Variants in TBC1D5 observed in about 807,000 individuals in gnomAD.
TBC1D5 encodes TBC1 domain family, member 5.
In TBC1D5, 75 loss-of-function variants were observed where a neutral mutation model predicts 100.3. The ratio of observed to expected loss-of-function variants is 0.75; its 90% CI spans 0.62 to 0.91. The LOEUF (loss-of-function observed/expected upper bound fraction) is 0.91, where lower values mean the gene tolerates loss of function less well. Ranked by LOEUF, TBC1D5 falls within the 40% of genes least tolerant of loss-of-function variation. TBC1D5 has a pLI of 0.00. For synonymous variants in TBC1D5, 323 were observed against 325.6 expected (o/e 0.99, Z 0.09); for missense variants, 910 against 942.4 (o/e 0.97, Z 0.45).
chr3:17,333,127 T>C (rs971476492), intron 13 of TBC1D5: 5 of 152,338 alleles, frequency 3.3e-5, no homozygotes, highest in African/African-American at 1.2e-4. Context: ...TCGAAGTCAA[T>C]GGCCAAGTCA....
chr3:17,570,561 G>A (rs970433481), intron 2 of TBC1D5, among the ~76,000 whole-genome samples: 7 of 151,874 alleles, frequency 4.6e-5, no homozygotes, highest in African/African-American at 1.7e-4. Context: ...TTCTACAATT[G>A]ACATTTTACT....
At chr3:17,330,586 A>G (rs979540539) in intron 13 of TBC1D5, among the ~76,000 whole-genome samples, 1 of 151,906 alleles carries the variant, frequency 6.6e-6, no homozygotes, top group Admixed American at 6.6e-5. Flanking sequence ...CCATTTTCCA[A>G]TCATCTCACC....
intron 2 of TBC1D5, among the ~76,000 whole-genome samples, chr3:17,558,156 A>T (rs80348969): frequency 6.6e-6 from 1 of 152,334 alleles, no homozygotes; most frequent in East Asian, 1.9e-4. Context: ...ACGAAAGTCA[A>T]CTCTAAAATT....
chr3:17,178,594 T>C (rs1221148234), intron 19 of TBC1D5, among the ~76,000 whole-genome samples: 1 of 152,180 alleles, frequency 6.6e-6, no homozygotes, highest in Non-Finnish European at 1.5e-5. Context: ...TCCAAACTGT[T>C]CTCTATAGTA....
chr3:17,547,220 G>A (rs780137230), intron 2 of TBC1D5: 1 of 152,026 alleles, frequency 6.6e-6, no homozygotes, highest in Non-Finnish European at 1.5e-5. Context: ...GAAATATGCA[G>A]GACAACTTTT....
At chr3:17,318,746 G>A (rs1012164656) in intron 13 of TBC1D5, among the ~76,000 whole-genome samples, 4 of 151,826 alleles carry the variant, frequency 2.6e-5, no homozygotes, top group South Asian at 2.1e-4. Flanking sequence ...TTTTAAAATC[G>A]CCTCTCCACA....
At chr3:17,734,128 G>A (rs996327449) in intron 1 of TBC1D5, among the ~76,000 whole-genome samples, 10 of 152,304 alleles carry the variant, frequency 6.6e-5, no homozygotes, top group Non-Finnish European at 1.3e-4. Context: ...AATGTCTAGT[G>A]TAGCACTATT....
chr3:17,551,099 C>G (rs193256778), intron 2 of TBC1D5, among the ~76,000 whole-genome samples: 1 of 152,130 alleles, frequency 6.6e-6, no homozygotes, highest in Non-Finnish European at 1.5e-5. Flanking sequence ...TAAACATGCA[C>G]TCTCTCTAAT....
chr3:17,240,234 T>C (rs924244474), intron 16 of TBC1D5, among the ~76,000 whole-genome samples: 2 of 152,180 alleles, frequency 1.3e-5, no homozygotes, highest in Non-Finnish European at 2.9e-5. Flanking sequence ...GAGACTTACA[T>C]TGCTTTGGAG....
At chr3:17,197,169 A>T (rs929649144) in intron 18 of TBC1D5, among the ~76,000 whole-genome samples, 3 of 152,120 alleles carry the variant, frequency 2.0e-5, no homozygotes, top group African/African-American at 7.2e-5. Flanking sequence ...AACCCTTCCA[A>T]TGTCCACTTC....
intron 15 of TBC1D5, among the ~76,000 whole-genome samples, chr3:17,275,452 A>C (rs1372102967): frequency 6.6e-6 from 1 of 152,010 alleles, no homozygotes; most frequent in Non-Finnish European, 1.5e-5. Flanking sequence ...TATGGGGAGG[A>C]CCACTTGAGC....
At chr3:17,264,233 T>C (rs532384053) in intron 15 of TBC1D5, among the ~76,000 whole-genome samples, 1 of 152,184 alleles carries the variant, frequency 6.6e-6, no homozygotes, top group Admixed American at 6.5e-5. Context: ...TACACATAAC[T>C]ATAAGGTGGT....
chr3:17,734,998 T>C (rs1322467007), intron 1 of TBC1D5, among the ~76,000 whole-genome samples: 1 of 151,358 alleles, frequency 6.6e-6, no homozygotes, highest in East Asian at 1.9e-4. Flanking sequence ...AAGGCCGAGG[T>C]GGAAGGATCA....
chr3:17,161,486 C>T (rs1437731916), intron 21 of TBC1D5, among the ~76,000 whole-genome samples: 1 of 152,204 alleles, frequency 6.6e-6, no homozygotes, highest in African/African-American at 2.4e-5. Flanking sequence ...GCTGGCTTCC[C>T]TGGGGGAACA....
intron 2 of TBC1D5, among the ~76,000 whole-genome samples, chr3:17,523,774 G>A (rs1359569515): frequency 6.6e-6 from 1 of 152,214 alleles, no homozygotes; most frequent in Non-Finnish European, 1.5e-5. Flanking sequence ...CTCAATGGCA[G>A]TGATATTGTC....
intron 15 of TBC1D5, among the ~76,000 whole-genome samples, chr3:17,269,935 G>A (rs1424431616): frequency 1.3e-5 from 2 of 152,048 alleles, no homozygotes; most frequent in Non-Finnish European, 2.9e-5. Flanking sequence ...TTGCTGTTGT[G>A]AATAGGGCTG....
At chr3:17,568,908 T>C (rs1369967977) in intron 2 of TBC1D5, among the ~76,000 whole-genome samples, 1 of 151,770 alleles carries the variant, frequency 6.6e-6, no homozygotes, top group African/African-American at 2.4e-5. Context: ...TGAATGTTGA[T>C]GCATTTTAAT....
At chr3:17,252,273 T>C (rs923030110) in intron 16 of TBC1D5, among the ~76,000 whole-genome samples, 5 of 152,122 alleles carry the variant, frequency 3.3e-5, no homozygotes, top group Non-Finnish European at 7.4e-5. Context: ...TTTGATAAAA[T>C]TGAAATTTAA....
At chr3:17,563,968 G>C (rs745615610) in intron 2 of TBC1D5, among the ~76,000 whole-genome samples, 9 of 152,158 alleles carry the variant, frequency 5.9e-5, no homozygotes, top group Non-Finnish European at 1.2e-4. Context: ...ATTTTTAGTA[G>C]AGACGGGGTT....
Sources: allele counts gnomAD v4.1 joint callset (sites outside exome capture counted in the v4.1 genomes callset), GRCh38; gene constraint gnomAD v4.1.1; transcripts MANE v1.5; gene names NCBI Gene and HGNC (gene_info 2026-07-23, HGNC 2026-07-21).